PLCXD3: variants seen among roughly 807,000 people sequenced by gnomAD.
The protein encoded by PLCXD3 is phosphatidylinositol specific phospholipase C X domain containing 3, also known as PI-PLC X domain-containing protein 3.
In PLCXD3, 19 loss-of-function variants were observed where a neutral mutation model predicts 25.5. The observed-to-expected ratio is 0.75, with a 90% CI of 0.52 to 1.09. PLCXD3 has a LOEUF of 1.09. Among genes scored for constraint, PLCXD3 ranks in the 50% least tolerant of loss-of-function variants. The pLI, the probability that PLCXD3 is intolerant of heterozygous loss-of-function variation, is 0.00. For synonymous variants in PLCXD3, 174 were observed against 137.6 expected (o/e 1.26, Z -1.85); for missense variants, 411 against 388.1 (o/e 1.06, Z -0.50).
intron 2 of PLCXD3, among the ~76,000 whole-genome samples, chr5:41,344,733 G>GA (rs34783792): frequency 6.6e-6 from 1 of 151,700 alleles, no homozygotes; most frequent in African/African-American, 2.4e-5. Flanking sequence ...CAACCATTTA[G>GA]AAAAAAATAT....
At chr5:41,427,606 C>A (rs554786187) in intron 1 of PLCXD3, among the ~76,000 whole-genome samples, 1 of 152,274 alleles carries the variant, frequency 6.6e-6, no homozygotes, top group East Asian at 1.9e-4. Flanking sequence ...TATCAGTCTG[C>A]TGCCTAATAT....
intron 2 of PLCXD3, among the ~76,000 whole-genome samples, chr5:41,358,441 A>G (rs1744680220): frequency 6.6e-6 from 1 of 152,060 alleles, no homozygotes; most frequent in East Asian, 1.9e-4. Flanking sequence ...GTAGTCTTTT[A>G]TTCCTCACCC....
At chr5:41,492,650 T>TC (rs962147081) in intron 1 of PLCXD3, among the ~76,000 whole-genome samples, 1 of 152,150 alleles carries the variant, frequency 6.6e-6, no homozygotes, top group Non-Finnish European at 1.5e-5. Context: ...ATTCTTTTTT[T>TC]CTCTAAACTT....
At chr5:41,334,743 C>A (rs966091071) in intron 2 of PLCXD3, among the ~76,000 whole-genome samples, 5 of 152,044 alleles carry the variant, frequency 3.3e-5, no homozygotes, top group African/African-American at 1.2e-4. Flanking sequence ...AAAATAAGTT[C>A]ATATAAACTA....
chr5:41,415,198 T>C (rs954391990), intron 1 of PLCXD3, among the ~76,000 whole-genome samples: 1 of 152,212 alleles, frequency 6.6e-6, no homozygotes, highest in African/African-American at 2.4e-5. Flanking sequence ...GTATAGCTAA[T>C]TAAATGACAG....
intron 1 of PLCXD3, among the ~76,000 whole-genome samples, chr5:41,429,799 T>C (rs370626785): frequency 3.3e-5 from 5 of 152,166 alleles, no homozygotes; most frequent in African/African-American, 1.2e-4. Context: ...ATAACATCTA[T>C]TCACACCCAA....
intron 2 of PLCXD3, among the ~76,000 whole-genome samples, chr5:41,333,277 A>C (rs528293350): frequency 2.2e-4 from 33 of 152,208 alleles, no homozygotes; most frequent in South Asian, 1.9e-3. Context: ...CCCACAGACC[A>C]ACTAATTAAA....
intron 2 of PLCXD3, among the ~76,000 whole-genome samples, chr5:41,338,002 A>G (rs928323119): frequency 2.6e-5 from 4 of 152,178 alleles, no homozygotes; most frequent in Non-Finnish European, 4.4e-5. Flanking sequence ...TAGGAACTTA[A>G]TAATGTACAA....
intron 1 of PLCXD3, among the ~76,000 whole-genome samples, chr5:41,483,579 T>C (rs893949947): frequency 2.6e-5 from 4 of 152,176 alleles, no homozygotes; most frequent in African/African-American, 4.8e-5. Context: ...TTAAGCTTAA[T>C]GAGTACAGAA....
rs74850462 is a variant in PLCXD3, at chr5:41,473,766, T to G, written c.103+36658A>C. Reference sequence around the variant, plus strand: ...CCACCACACCCAGCCGCCATTAGTTTTTATGGATAGAACCATTCATTTTCA... The same window carrying G: ...CCACCACACCCAGCCGCCATTAGTTGTTATGGATAGAACCATTCATTTTCA... On this transcript the variant is annotated intron_variant, in intron 1 of 2. Coordinates refer to ENST00000377801, the MANE Select transcript of PLCXD3 (RefSeq NM_001005473.3). Among the ~76,000 whole-genome samples the G allele has an allele frequency of 9.4e-4, 143 of 152,272 alleles. 1 individual carries two copies. The East Asian group carries it at 0.016, about 17-fold the overall frequency.
intron 1 of PLCXD3, among the ~76,000 whole-genome samples, chr5:41,493,648 CT>C (rs1356406065): frequency 1.3e-5 from 2 of 152,220 alleles, no homozygotes; most frequent in Non-Finnish European, 2.9e-5. Context: ...GTGGGCACCC[CT>C]CCCCCAGCCT....
Position 41,332,742 on chromosome 5 carries a change from C to T in PLCXD3, c.813-18972G>A, listed in dbSNP as rs191425601. 4.2e-3 allele frequency among the ~76,000 whole-genome samples: 632 copies of T among 152,190 alleles called. 4 individuals are homozygous for T. Among genetic ancestry groups the T allele is most frequent in the Non-Finnish European group, 3.8e-3 (257 of 68,022 alleles). On this transcript the variant is annotated intron_variant, in intron 2 of 2. Transcript: ENST00000377801. ...GGATTAAGAAAATGTGGCACATATA[C>T]GCCATGGAATACTATACAGCCATAA...
chr5:41,445,882 T>C (rs924745815), intron 1 of PLCXD3, among the ~76,000 whole-genome samples: 2 of 151,840 alleles, frequency 1.3e-5, no homozygotes, highest in African/African-American at 4.8e-5. Flanking sequence ...ACAGTAAGTA[T>C]TTAAATTAAA....
intron 2 of PLCXD3, among the ~76,000 whole-genome samples, chr5:41,348,638 T>TG (rs1390174276): frequency 6.6e-6 from 1 of 151,830 alleles, no homozygotes; most frequent in Non-Finnish European, 1.5e-5. Context: ...TTACTGAGTT[T>TG]TTTTGTTTGT....
intron 2 of PLCXD3, among the ~76,000 whole-genome samples, chr5:41,346,147 C>T (rs1284252047): frequency 6.6e-6 from 1 of 152,200 alleles, no homozygotes; most frequent in African/African-American, 2.4e-5. Flanking sequence ...TCCCGAAGTG[C>T]TGGGATTACA....
chr5:41,499,413 C>A (rs1158762928), intron 1 of PLCXD3, among the ~76,000 whole-genome samples: 2 of 151,372 alleles, frequency 1.3e-5, no homozygotes, highest in Non-Finnish European at 1.5e-5. Flanking sequence ...TCAAAAGGAA[C>A]AAAATACTTT....
At chr5:41,505,828 T>A (rs1214722142) in intron 1 of PLCXD3, among the ~76,000 whole-genome samples, 3 of 152,242 alleles carry the variant, frequency 2.0e-5, no homozygotes, top group African/African-American at 7.2e-5. Context: ...ATCAGAAATG[T>A]CCCTAACTTG....
chr5:41,446,578 C>A (rs1202437567), intron 1 of PLCXD3, among the ~76,000 whole-genome samples: 1 of 148,188 alleles, frequency 6.7e-6, no homozygotes, highest in East Asian at 2.0e-4. Flanking sequence ...TTCACATTGT[C>A]TTCAAAACAA....
chr5:41,357,385 G>T (rs1011533618), intron 2 of PLCXD3, among the ~76,000 whole-genome samples: 2 of 152,164 alleles, frequency 1.3e-5, no homozygotes, highest in Admixed American at 1.3e-4. Context: ...TTATAAATTT[G>T]TTGGATATTA....
Sources: allele counts gnomAD v4.1 joint callset (sites outside exome capture counted in the v4.1 genomes callset), GRCh38; gene constraint gnomAD v4.1.1; transcripts MANE v1.5; gene names NCBI Gene and HGNC (gene_info 2026-07-23, HGNC 2026-07-21).